Variants in TEKT5 observed in about 807,000 individuals in gnomAD.
The protein encoded by TEKT5 is tektin 5, also known as tektin-5.
A neutral mutation model predicts 48.7 loss-of-function variants in TEKT5; 52 were observed. The observed-to-expected ratio is 1.07, with a 90% CI of 0.86 to 1.35. The LOEUF is 1.35. TEKT5 is among the 40% of genes most tolerant of loss of function. The pLI is 0.00. For missense variants in TEKT5, 831 were observed against 641.6 expected (o/e 1.30, Z -3.19); for synonymous variants, 318 against 267.6 (o/e 1.19, Z -1.84).
chr16:10,649,275 T>C (rs947111166), intron 5 of TEKT5, among the ~76,000 whole-genome samples: 2 of 151,958 alleles, frequency 1.3e-5, no homozygotes, highest in Non-Finnish European at 2.9e-5. Flanking sequence ...TGTGCCACCA[T>C]GCCTGGCTAA....
chr16:10,646,739 G>C (rs529530216), intron 5 of TEKT5, among the ~76,000 whole-genome samples: 1 of 152,214 alleles, frequency 6.6e-6, no homozygotes, highest in East Asian at 1.9e-4. Flanking sequence ...GCTGGGTTAT[G>C]GGAGGGCAAG....
At chr16:10,629,573 A>G (rs1382398703) in intron 6 of TEKT5, among the ~76,000 whole-genome samples, 5 of 152,066 alleles carry the variant, frequency 3.3e-5, no homozygotes, top group African/African-American at 1.2e-4. Flanking sequence ...AATAAACAGG[A>G]TAACAGGGCC....
intron 5 of TEKT5, among the ~76,000 whole-genome samples, chr16:10,665,572 T>G (rs1700669152): frequency 6.6e-6 from 1 of 152,198 alleles, no homozygotes; most frequent in Non-Finnish European, 1.5e-5. Context: ...TCCACCTTCC[T>G]GATTCCAGCA....
At chr16:10,654,494 T>C (rs1252250044) in intron 5 of TEKT5, among the ~76,000 whole-genome samples, 3 of 152,184 alleles carry the variant, frequency 2.0e-5, no homozygotes, top group Non-Finnish European at 4.4e-5. Context: ...ACGTTTGAAT[T>C]GATGAACTCT....
At chr16:10,653,881 C>G (rs1042514739) in intron 5 of TEKT5, among the ~76,000 whole-genome samples, 1 of 152,124 alleles carries the variant, frequency 6.6e-6, no homozygotes, top group Admixed American at 6.6e-5. Flanking sequence ...CCATTGCACT[C>G]CAGCCTGGGC....
At chr16:10,659,657 G>A (rs905000584) in intron 5 of TEKT5, among the ~76,000 whole-genome samples, 12 of 152,242 alleles carry the variant, frequency 7.9e-5, no homozygotes, top group Admixed American at 7.8e-4. Context: ...CACCACACCT[G>A]GCAATACCTC....
intron 5 of TEKT5, among the ~76,000 whole-genome samples, chr16:10,658,783 TC>T (rs1898309124): frequency 6.6e-6 from 1 of 152,004 alleles, no homozygotes; most frequent in Non-Finnish European, 1.5e-5. Context: ...AGTGGTGCCA[TC>T]TCAGCTCACT....
chr16:10,678,290 G>A (rs1164636052), intron 4 of TEKT5, among the ~76,000 whole-genome samples: 4 of 152,048 alleles, frequency 2.6e-5, no homozygotes, highest in African/African-American at 2.4e-5. Context: ...GTAGAGACGG[G>A]GTTTCACCAT....
chr16:10,668,592 C>T lies in TEKT5; in HGVS notation c.1086+7367G>A, dbSNP rs184827220. The stretch of plus-strand genomic sequence containing the variant: ...GACACGCAGGGCCTCAGATCACCAG[C>T]AGGGGCCCTCACCCCTCAGACGCCA... On this transcript the variant is annotated intron_variant, in intron 5 of 6. Transcript: ENST00000283025. Among the ~76,000 whole-genome samples the T allele has an allele frequency of 8.5e-5, 13 of 152,330 alleles. No homozygotes were observed. In the East Asian group the frequency reaches 9.7e-4, roughly 11 times the overall value.
At position 10,635,795 on chromosome 16, in the gene TEKT5, T is replaced by C. The variant is rs1024840419; in HGVS notation, c.1210A>G (p.Met404Val). Residue 404 changes from methionine (M) to valine (V), a missense_variant, in exon 6 of 7, where the codon ATG (methionine) becomes GTG (valine). Coordinates refer to ENST00000283025, the MANE Select transcript of TEKT5 (RefSeq NM_144674.2). ...TGCGGGATGTCCCTGCACAGCTCCA[T>C]GTTGGGGCGCCGGGTCCGGCACTCC... The part of the protein sequence containing the change: ...RLECRTRRPN[M>V]ELCRDIPQLK... The C allele has an allele frequency of 6.2e-7, 1 of 1,614,186 alleles. No individual in the cohort carries two copies. The highest frequency in any genetic ancestry group is 1.1e-5 in the South Asian group (1 of 91,084).
At position 10,689,927 on chromosome 16, in the gene TEKT5, C is replaced by A. The variant is rs1344517; in HGVS notation, c.648+15G>T. 0.016 allele frequency: 25,320 copies of A among 1,613,792 alleles called. 1,581 individuals carry two copies. In the East Asian group the frequency reaches 0.18, roughly 11 times the overall value. ...CCTCCTTCAGGGGGCTGGGCAGAAC[C>A]AGGAGATGCCTTACCCGGATAAGGT... On this transcript the variant is annotated intron_variant, in intron 2 of 6. Transcript: ENST00000283025.
chr16:10,673,419 G>C (rs1286270426), intron 5 of TEKT5, among the ~76,000 whole-genome samples: 1 of 152,134 alleles, frequency 6.6e-6, no homozygotes, highest in East Asian at 1.9e-4. Flanking sequence ...TTATCATCTA[G>C]CCTTTGACAG....
intron 4 of TEKT5, among the ~76,000 whole-genome samples, chr16:10,677,844 G>A (rs551238507): frequency 1.2e-4 from 18 of 149,876 alleles, no homozygotes; most frequent in Non-Finnish European, 2.7e-4. Flanking sequence ...CCAAAGGACA[G>A]AGAGCCCAGG....
At chr16:10,634,972 A>G (rs1897892802) in intron 6 of TEKT5, among the ~76,000 whole-genome samples, 1 of 152,186 alleles carries the variant, frequency 6.6e-6, no homozygotes, top group Non-Finnish European at 1.5e-5. Context: ...GGAAACTGAG[A>G]TAACAAATGT....
intron 4 of TEKT5, among the ~76,000 whole-genome samples, chr16:10,680,905 T>C (rs1460813139): frequency 4.7e-5 from 7 of 150,104 alleles, no homozygotes; most frequent in African/African-American, 1.5e-4. Context: ...ATATACCTAA[T>C]GCTAGATGAC....
intron 5 of TEKT5, among the ~76,000 whole-genome samples, chr16:10,661,574 G>C (rs921346410): frequency 3.3e-5 from 5 of 152,252 alleles, no homozygotes; most frequent in African/African-American, 9.6e-5. Flanking sequence ...CAAGCTGAGA[G>C]ACAGGAGGAC....
At chr16:10,640,572 T>C (rs1304626879) in intron 5 of TEKT5, among the ~76,000 whole-genome samples, 1 of 152,200 alleles carries the variant, frequency 6.6e-6, no homozygotes, top group Non-Finnish European at 1.5e-5. Flanking sequence ...AGATAGTGAA[T>C]GAATCCATCA....
At chr16:10,667,941 G>C (rs1293487846) in intron 5 of TEKT5, among the ~76,000 whole-genome samples, 1 of 151,354 alleles carries the variant, frequency 6.6e-6, no homozygotes, top group Non-Finnish European at 1.5e-5. Context: ...GCAGTGGCAT[G>C]ATCTTGGCTC....
At chr16:10,635,424 C>T (rs1026628961) in intron 6 of TEKT5, among the ~76,000 whole-genome samples, 6 of 152,038 alleles carry the variant, frequency 3.9e-5, no homozygotes, top group Non-Finnish European at 5.9e-5. Context: ...AAAGCCACCA[C>T]CTGGGAGGCG....
Sources: allele counts gnomAD v4.1 joint callset (sites outside exome capture counted in the v4.1 genomes callset), GRCh38; gene constraint gnomAD v4.1.1; transcripts MANE v1.5; gene names NCBI Gene and HGNC (gene_info 2026-07-23, HGNC 2026-07-21).